Variants in CDC26 observed in about 807,000 individuals in gnomAD.
CDC26 encodes the protein cell division cycle 26.
In CDC26, 2 loss-of-function variants were observed where a neutral mutation model predicts 8.0. The ratio of observed to expected loss-of-function variants is 0.25; its 90% CI spans 0.10 to 0.79. The LOEUF is 0.79. Among genes scored for constraint, CDC26 ranks in the 30% least tolerant of loss-of-function variants. The pLI is 0.70. For synonymous variants in CDC26, 19 were observed against 34.9 expected (o/e 0.55, Z 1.60); for missense variants, 68 against 106.0 (o/e 0.64, Z 1.57).
chr9:113,268,008 C>A (rs1428979904), intron 3 of CDC26, among the ~76,000 whole-genome samples: 1 of 151,672 alleles, frequency 6.6e-6, no homozygotes, highest in African/African-American at 2.4e-5. Flanking sequence ...AGATGTAACC[C>A]CTACCCTCCA....
At chr9:113,272,347 G>T in intron 3 of CDC26, 80 bp downstream of exon 3, 1 of 1,111,578 alleles carries the variant, frequency 9.0e-7, no homozygotes. Flanking sequence ...GTTGCAGTGG[G>T]CCAAGATCAT....
Position 113,275,569 on chromosome 9 carries a change from C to T in CDC26, c.-339G>A. On this transcript the variant is annotated 5_prime_UTR_variant, in exon 1 of 4. Transcript: ENST00000374206. ...CTCAATGCCACGACGCCATTTCCTA[C>T]TACGACTTCCATCATGCTCCGCGCC... 1 of 627,950 alleles carries T rather than the reference C, an allele frequency of 1.6e-6. No individual in the cohort carries two copies. Among genetic ancestry groups the T allele is most frequent in the Non-Finnish European group, 2.7e-6 (1 of 372,682 alleles). The allele number at this position is 627,950 out of a possible 1,614,324, so 38.9% of individuals were successfully genotyped here.
chr9:113,269,415 A>G (rs1831918454), intron 3 of CDC26, among the ~76,000 whole-genome samples: 1 of 152,220 alleles, frequency 6.6e-6, no homozygotes, highest in African/African-American at 2.4e-5. Context: ...AGAATATCCA[A>G]ATGGAATGAA....
intron 3 of CDC26, 51 bp downstream of exon 3, chr9:113,272,376 G>A (rs771991981): frequency 3.6e-6 from 5 of 1,382,708 alleles, no homozygotes; most frequent in Non-Finnish European, 5.1e-6. Flanking sequence ...ACTCCAGCCT[G>A]TGTGACAGAG....
chr9:113,267,569 T>G, intron 3 of CDC26, 130 bp from the exon 4 acceptor site: 6 of 1,244,386 alleles, frequency 4.8e-6, no homozygotes, highest in Non-Finnish European at 6.7e-6. Flanking sequence ...TAAACTGAAA[T>G]CCTAGGTTTG....
chr9:113,269,224 C>T (rs976026147), intron 3 of CDC26, among the ~76,000 whole-genome samples: 3 of 145,716 alleles, frequency 2.1e-5, no homozygotes, highest in Admixed American at 6.8e-5. Flanking sequence ...CCTGTCTCAA[C>T]AATAAAAATA....
intron 3 of CDC26, among the ~76,000 whole-genome samples, chr9:113,270,873 T>C (rs1474091523): frequency 1.3e-5 from 2 of 152,108 alleles, no homozygotes; most frequent in Non-Finnish European, 2.9e-5. Flanking sequence ...CTGAGGAGTT[T>C]TAAACGGGAA....
chr9:113,271,566 A>C (rs1447089611), intron 3 of CDC26, among the ~76,000 whole-genome samples: 1 of 152,200 alleles, frequency 6.6e-6, no homozygotes, highest in Non-Finnish European at 1.5e-5. Flanking sequence ...GAGCCAAGGA[A>C]TGGATTCTTC....
chr9:113,270,075 C>T (rs917651661), intron 3 of CDC26, among the ~76,000 whole-genome samples: 2 of 152,118 alleles, frequency 1.3e-5, no homozygotes, highest in East Asian at 1.9e-4. Flanking sequence ...AGAGAGTGAC[C>T]GTGCCTATGA....
intron 3 of CDC26, 26 bp downstream of exon 3, chr9:113,272,400 CA>C: frequency 6.4e-7 from 1 of 1,567,556 alleles, no homozygotes. Context: ...GACTCCATCT[CA>C]AAAAAACACA....
intron 3 of CDC26, among the ~76,000 whole-genome samples, chr9:113,268,638 G>C (rs909054223): frequency 2.0e-5 from 3 of 152,236 alleles, no homozygotes; most frequent in Non-Finnish European, 2.9e-5. Context: ...GCATCAGGCT[G>C]ACCGCAGTGG....
intron 3 of CDC26, among the ~76,000 whole-genome samples, chr9:113,272,182 C>G (rs1831968440): frequency 6.6e-6 from 1 of 152,178 alleles, no homozygotes; most frequent in Admixed American, 6.5e-5. Flanking sequence ...CTTTGGGAGG[C>G]TGAGGTGGAT....
chr9:113,269,238 A>T (rs1831915395), intron 3 of CDC26, among the ~76,000 whole-genome samples: 1 of 152,176 alleles, frequency 6.6e-6, no homozygotes, highest in Non-Finnish European at 1.5e-5. Flanking sequence ...AAAAATAAAA[A>T]AAAAAAATAA....
In CDC26 at chr9:113,275,536, G is replaced by A. The variant is rs937713220; in HGVS notation, c.-306C>T. On this transcript the variant is annotated 5_prime_UTR_variant, in exon 1 of 4. Coordinates refer to ENST00000374206, the MANE Select transcript of CDC26 (RefSeq NM_139286.4). ...GAGCTTTTCCTGGAGGTTCTAGGAG[G>A]GATGCCCCTCAATGCCACGACGCCA... 3.7e-6 allele frequency: 2 copies of A among 540,724 alleles called. No individual in the cohort carries two copies. Among genetic ancestry groups the A allele is most frequent in the Admixed American group, 3.5e-5 (1 of 28,674 alleles). The allele number at this position is 540,724 out of a possible 1,614,324, so 33.5% of individuals were successfully genotyped here.
intron 2 of CDC26, among the ~76,000 whole-genome samples, chr9:113,272,851 C>G (rs772521824): frequency 1.3e-5 from 2 of 152,054 alleles, no homozygotes; most frequent in Non-Finnish European, 2.9e-5. Flanking sequence ...ACCGCCATAC[C>G]TGGCTAATTT....
intron 3 of CDC26, among the ~76,000 whole-genome samples, chr9:113,268,166 A>G (rs997937749): frequency 2.0e-5 from 3 of 152,206 alleles, no homozygotes; most frequent in Admixed American, 2.0e-4. Context: ...CTACAATTGG[A>G]AAGCTGTAAG....
chr9:113,272,427 C>T lies in CDC26; in HGVS notation c.81G>A (p.Glu27=), dbSNP rs1165870245. The T allele has an allele frequency of 1.2e-6, 2 of 1,608,600 alleles. No homozygotes were observed. The highest frequency in any genetic ancestry group is 1.7e-5 in the Admixed American group (1 of 60,000). ...AAAAAACACAAAGTTGTATTCATAC[C>T]TCCAGGTCCTTTCGAATGTTCTCAA... The part of the protein sequence containing the change: ...EEFENIRKDL[E]TRKKQKEDVE... The change falls in exon 3 of 4, where the codon GAG becomes GAA. Residue 27 remains glutamate, a splice_region_variant and synonymous_variant. Coordinates refer to ENST00000374206, the MANE Select transcript of CDC26 (RefSeq NM_139286.4).
At chr9:113,270,192 A>G (rs899200612) in intron 3 of CDC26, among the ~76,000 whole-genome samples, 1 of 152,228 alleles carries the variant, frequency 6.6e-6, no homozygotes, top group Non-Finnish European at 1.5e-5. Flanking sequence ...GGCAAAGGGA[A>G]CACTGTGTAT....
In CDC26 at chr9:113,267,422, C is replaced by G. The variant is rs1318815100; in HGVS notation, c.99G>C (p.Lys33Asn). 6.3e-7 allele frequency: 1 copy of G among 1,596,624 alleles called. No individual in the cohort carries two copies. Among genetic ancestry groups the G allele is most frequent in the Non-Finnish European group, 8.5e-7 (1 of 1,174,780 alleles). ...RKDLETRKKQKEDVEVVGGSD... is the reference protein window; with the variant it reads ...RKDLETRKKQNEDVEVVGGSD... ...TGCCTCCTACAACTTCCACATCTTC[C>G]TTCTGTTTCTTACGGGTCTGAAAGT... Residue 33 changes from lysine to asparagine, a missense_variant, in exon 4 of 4, where the codon AAG (lysine) becomes AAC (asparagine). Physicochemically the swap from Lys to Asn is moderately conservative, Grantham distance 94 (BLOSUM62 0). Transcript: ENST00000374206.
Sources: gnomAD v4.1 joint callset for allele counts (sites outside exome capture counted in the v4.1 genomes callset) on GRCh38, gnomAD v4.1.1 for gene constraint, MANE v1.5 for transcripts, NCBI Gene and HGNC (gene_info 2026-07-23, HGNC 2026-07-21) for gene names.